The following MYO1E variants were observed in gnomAD, a reference collection of about 807,000 sequenced individuals.
MYO1E encodes the protein myosin IE.
MYO1E carries 68 observed loss-of-function variants against 151.1 expected under a neutral mutation model. That is an observed-to-expected ratio of 0.45 (90% confidence interval 0.37 to 0.55). The LOEUF (loss-of-function observed/expected upper bound fraction) is 0.55, where lower values mean the gene tolerates loss of function less well. Ranked by LOEUF, MYO1E falls within the 20% of genes least tolerant of loss-of-function variation. The pLI is 0.00. For missense variants in MYO1E, 1,363 were observed against 1,389.3 expected, an observed-to-expected ratio of 0.98 and a Z score of 0.30; for synonymous variants, 601 against 501.7, an observed-to-expected ratio of 1.20 and a Z score of -2.64.
intron 19 of MYO1E, 60 bp from the exon 20 acceptor site, chr15:59,174,300 C>G: frequency 8.2e-7 from 1 of 1,217,454 alleles, no homozygotes; most frequent in Non-Finnish European, 1.2e-6. Context: ...CTGAACAACA[C>G]TTTTCTTGTT....
At chr15:59,255,097 G>A (rs1443416639) in intron 4 of MYO1E, among the ~76,000 whole-genome samples, 2 of 151,556 alleles carry the variant, frequency 1.3e-5, no homozygotes, top group Admixed American at 6.6e-5. Flanking sequence ...TAAGGTATAA[G>A]CCTTTTTTTT....
intron 26 of MYO1E, among the ~76,000 whole-genome samples, chr15:59,151,045 ACACACGCGCGCG>A (rs2079473869): frequency 1.3e-5 from 1 of 75,448 alleles, no homozygotes. Context: ...ACACACACAC[ACACACGCGCGCG>A]CGCGCACGTG....
chr15:59,180,557 T>A (rs74509087), intron 18 of MYO1E, among the ~76,000 whole-genome samples: 1 of 152,116 alleles, frequency 6.6e-6, no homozygotes, highest in Middle Eastern at 3.4e-3. Context: ...TTTTTTTTTT[T>A]AATGGTAACG....
intron 1 of MYO1E, among the ~76,000 whole-genome samples, chr15:59,317,575 C>G (rs192265971): frequency 1.4e-5 from 2 of 146,798 alleles, no homozygotes; most frequent in East Asian, 3.9e-4. Flanking sequence ...AAACTGTTAT[C>G]AGAGGGGCAG....
intron 5 of MYO1E, among the ~76,000 whole-genome samples, chr15:59,234,600 G>A (rs116425705): frequency 0.012 from 1,812 of 152,114 alleles, 42 homozygotes; most frequent in African/African-American, 0.041. Context: ...TGGGTGGATC[G>A]CTTCAGCTCA....
chr15:59,256,698 T>C (rs1426465260), intron 3 of MYO1E, among the ~76,000 whole-genome samples: 1 of 152,090 alleles, frequency 6.6e-6, no homozygotes, highest in African/African-American at 2.4e-5. Flanking sequence ...CTTCCACCCA[T>C]ACACGCCTCT....
chr15:59,174,485 C>T (rs1315907931), intron 19 of MYO1E, among the ~76,000 whole-genome samples: 1 of 152,098 alleles, frequency 6.6e-6, no homozygotes, highest in Non-Finnish European at 1.5e-5. Context: ...TGAGTGTATT[C>T]AGTTAGACCT....
At chr15:59,187,592 G>A (rs1368533327) in intron 18 of MYO1E, among the ~76,000 whole-genome samples, 19 of 152,118 alleles carry the variant, frequency 1.2e-4, no homozygotes, top group Admixed American at 9.2e-4. Context: ...GCATATACCC[G>A]AAAGAAATGA....
chr15:59,137,049 C>T lies in MYO1E; in HGVS notation c.*331G>A, dbSNP rs2079377548. 2 of 398,038 alleles carry T rather than the reference C, an allele frequency of 5.0e-6. No individual in the cohort carries two copies. Among genetic ancestry groups the T allele is most frequent in the Non-Finnish European group, 9.6e-6 (2 of 208,586 alleles). The allele number at this position is 398,038 out of a possible 1,614,324, so 24.7% of individuals were successfully genotyped here. A position where few individuals can be genotyped will look rare whatever the true frequency, so the allele number is the denominator to read the frequency against. ...CCATTCTCTAGGCCTGGTGAGCAAGCAGGGTGCTGTTTTGATAGAAGCCTA... is the reference window on the plus strand; with the variant it reads ...CCATTCTCTAGGCCTGGTGAGCAAGTAGGGTGCTGTTTTGATAGAAGCCTA... On this transcript the variant is annotated 3_prime_UTR_variant, in exon 28 of 28. Coordinates refer to ENST00000288235, the MANE Select transcript of MYO1E (RefSeq NM_004998.4).
chr15:59,357,426 C>CTTTT (rs532794951), intron 1 of MYO1E, among the ~76,000 whole-genome samples: 2 of 137,060 alleles, frequency 1.5e-5, no homozygotes, highest in African/African-American at 2.7e-5. Flanking sequence ...AAGGAGATAA[C>CTTTT]TTTTTTTTTT....
At chr15:59,268,720 A>ATTTTTTTTTT (rs398027512) in intron 2 of MYO1E, among the ~76,000 whole-genome samples, 1,654 of 44,826 alleles carry the variant, frequency 0.037, 510 homozygotes, top group South Asian at 0.1. Context: ...TGACTTTGGT[A>ATTTTTTTTTT]TTTTTTTTTT....
intron 18 of MYO1E, among the ~76,000 whole-genome samples, chr15:59,184,541 A>G (rs2079684362): frequency 6.6e-6 from 1 of 151,724 alleles, no homozygotes; most frequent in African/African-American, 2.4e-5. Flanking sequence ...TTGTATTTTT[A>G]GTAGAGACAG....
intron 26 of MYO1E, among the ~76,000 whole-genome samples, chr15:59,151,442 A>ACCCCC (rs1253140347): frequency 1.4e-3 from 210 of 147,662 alleles, no homozygotes; most frequent in African/African-American, 5.0e-3. Flanking sequence ...CAAACAAAAA[A>ACCCCC]CCCCCCCCAA....
At chr15:59,282,071 A>C (rs2080356088) in intron 1 of MYO1E, among the ~76,000 whole-genome samples, 1 of 152,204 alleles carries the variant, frequency 6.6e-6, no homozygotes, top group Admixed American at 6.5e-5. Flanking sequence ...ACCTGGGGAC[A>C]CACTGGCATT....
chr15:59,261,196 T>A (rs1299302546), intron 3 of MYO1E, among the ~76,000 whole-genome samples: 1 of 150,766 alleles, frequency 6.6e-6, no homozygotes, highest in Middle Eastern at 3.2e-3. Flanking sequence ...AAGAGCAAAA[T>A]TCTGTCTCAA....
chr15:59,321,382 G>T (rs1289111293), intron 1 of MYO1E, among the ~76,000 whole-genome samples: 1 of 152,186 alleles, frequency 6.6e-6, no homozygotes, highest in African/African-American at 2.4e-5. Flanking sequence ...ACATGTACTT[G>T]TATGTTTACC....
intron 3 of MYO1E, among the ~76,000 whole-genome samples, chr15:59,259,126 T>C (rs893369056): frequency 6.6e-6 from 1 of 152,148 alleles, no homozygotes; most frequent in Non-Finnish European, 1.5e-5. Flanking sequence ...ATCCTCTCAA[T>C]TTTGAGACAC....
chr15:59,188,300 G>A, intron 17 of MYO1E, 84 bp from the exon 18 acceptor site: 1 of 1,022,766 alleles, frequency 9.8e-7, no homozygotes, highest in South Asian at 1.3e-5. Flanking sequence ...CAAGCCCCCA[G>A]TTCCAAGCTG....
intron 1 of MYO1E, among the ~76,000 whole-genome samples, chr15:59,341,149 G>A (rs2080763156): frequency 6.6e-6 from 1 of 151,994 alleles, no homozygotes; most frequent in East Asian, 1.9e-4. Flanking sequence ...CATGCAATGT[G>A]TAATAATCAC....
Sources: gnomAD v4.1 joint callset for allele counts (sites outside exome capture counted in the v4.1 genomes callset) on GRCh38, gnomAD v4.1.1 for gene constraint, MANE v1.5 for transcripts, NCBI Gene and HGNC (gene_info 2026-07-23, HGNC 2026-07-21) for gene names.